CPNE4: variants seen among roughly 807,000 people sequenced by gnomAD.
CPNE4 encodes copine 4.
A neutral mutation model predicts 67.9 loss-of-function variants in CPNE4; 25 were observed. The observed-to-expected ratio is 0.37, with a 90% CI of 0.27 to 0.51. The LOEUF (loss-of-function observed/expected upper bound fraction) is 0.51. CPNE4 is among the 20% of genes least tolerant of loss of function. The pLI, the probability that CPNE4 is intolerant of heterozygous loss-of-function variation, is 0.93. For synonymous variants in CPNE4, 242 were observed against 244.9 expected, an observed-to-expected ratio of 0.99 and a Z score of 0.11; for missense variants, 464 against 690.8, an observed-to-expected ratio of 0.67 and a Z score of 3.68.
intron 2 of CPNE4, among the ~76,000 whole-genome samples, chr3:131,743,974 A>AC: frequency 6.7e-6 from 1 of 148,692 alleles, no homozygotes; most frequent in Admixed American, 6.7e-5. Flanking sequence ...AAAAAAAAAA[A>AC]AAAAAAAAAA....
In CPNE4 at chr3:131,765,440, C is replaced by T. The variant is rs533818121; in HGVS notation, c.181-41815G>A. ...TCAAGAATTGCTTTAGGCCACTCAC[C>T]TTACTGTGCCCACCAGTCAAAAGCT... is the stretch of plus-strand genomic sequence containing the variant. On this transcript the variant is annotated intron_variant, in intron 2 of 15. Coordinates refer to ENST00000429747, the MANE Select transcript of CPNE4 (RefSeq NM_130808.3). Among the ~76,000 whole-genome samples, 19 of 152,214 alleles carry T rather than the reference C, an allele frequency of 1.2e-4. No individual in the cohort carries two copies. In the South Asian group the frequency reaches 3.7e-3, roughly 30 times the overall value.
In CPNE4 at chr3:131,685,965, T is replaced by G. The variant is rs1354853431; in HGVS notation, c.508-7A>C. On this transcript the variant is annotated splice_polypyrimidine_tract_variant and splice_region_variant and intron_variant, in intron 5 of 15. Transcript: ENST00000429747. ...CAGATTTACTGAAGAAATCCTAAAA[T>G]AGATAAACGTCAATGAATTGTTTTT... The G allele has an allele frequency of 6.7e-7, 1 of 1,495,290 alleles. No individual in the cohort carries two copies. Among genetic ancestry groups the G allele is most frequent in the South Asian group, 1.1e-5 (1 of 88,240 alleles). 92.6% of individuals were successfully genotyped at this position (1,495,290 alleles called of 1,614,324 possible). A position where few individuals can be genotyped will look rare whatever the true frequency, so the allele number is the denominator to read the frequency against.
chr3:131,884,552 C>G (rs2087804595), intron 2 of CPNE4, among the ~76,000 whole-genome samples: 1 of 152,102 alleles, frequency 6.6e-6, no homozygotes, highest in South Asian at 2.1e-4. Flanking sequence ...TTTCAGAGAG[C>G]AGGTTCCGCT....
intron 2 of CPNE4, among the ~76,000 whole-genome samples, chr3:131,865,382 T>G (rs377112099): frequency 6.7e-6 from 1 of 149,922 alleles, no homozygotes; most frequent in African/African-American, 2.5e-5. Flanking sequence ...GTAATGCATA[T>G]TAGTCCTTTT....
intron 2 of CPNE4, among the ~76,000 whole-genome samples, chr3:131,852,206 A>G (rs923699030): frequency 6.6e-6 from 1 of 152,038 alleles, no homozygotes; most frequent in Non-Finnish European, 1.5e-5. Context: ...TCAGAAATAG[A>G]TTTCCTACCA....
Position 131,860,364 on chromosome 3 carries a change from CAT to C in CPNE4, c.180+44898_180+44899del, listed in dbSNP as rs529324934. On this transcript the variant is annotated intron_variant, in intron 2 of 15. Transcript: ENST00000429747. ...ACCCAAGCGGAGGAAAGGGACAAGACATGAAAAATCCAAAAACTAATTGAGCT... is the reference window on the plus strand; with the variant it reads ...ACCCAAGCGGAGGAAAGGGACAAGACGAAAAATCCAAAAACTAATTGAGCT... Among the ~76,000 whole-genome samples, 68 of 152,254 alleles carry C rather than the reference CAT, an allele frequency of 4.5e-4. 1 individual carries two copies. The highest frequency in any genetic ancestry group is 1.6e-3 in the African/African-American group (68 of 41,556).
chr3:131,831,890 TA>T (rs2085386261), intron 2 of CPNE4, among the ~76,000 whole-genome samples: 1 of 152,314 alleles, frequency 6.6e-6, no homozygotes, highest in East Asian at 1.9e-4. Flanking sequence ...ATCCATAAAA[TA>T]GAGCAAATAG....
chr3:131,664,823 T>C (rs1027398346), intron 7 of CPNE4, among the ~76,000 whole-genome samples: 17 of 152,128 alleles, frequency 1.1e-4, no homozygotes, highest in African/African-American at 4.1e-4. Context: ...AGAAATAATA[T>C]ATATTGAGTC....
rs1219137220 is a variant in CPNE4, at chr3:131,747,463, CT to C, written c.181-23839del. ...AGTTGATTTTTGTATATGATAAGAA[CT>C]TTTTTTGTTTGTTTTTTGTTTTTTA... On this transcript the variant is annotated intron_variant, in intron 2 of 15. Coordinates refer to ENST00000429747, the MANE Select transcript of CPNE4 (RefSeq NM_130808.3). Among the ~76,000 whole-genome samples the C allele has an allele frequency of 4.1e-4, 62 of 151,618 alleles. 1 individual carries two copies. Among genetic ancestry groups the C allele is most frequent in the Non-Finnish European group, 1.2e-4 (8 of 67,844 alleles).
chr3:131,913,536 T>C (rs1015466404), intron 1 of CPNE4, among the ~76,000 whole-genome samples: 3 of 152,198 alleles, frequency 2.0e-5, no homozygotes, highest in African/African-American at 7.2e-5. Context: ...CAGAAGAGTG[T>C]TAATATATAA....
intron 7 of CPNE4, among the ~76,000 whole-genome samples, chr3:131,594,102 T>C (rs1228244677): frequency 1.3e-5 from 2 of 152,164 alleles, no homozygotes; most frequent in African/African-American, 4.8e-5. Context: ...GCTTTTAATT[T>C]TTTTACTATT....
At chr3:131,654,940 A>C (rs545802898) in intron 7 of CPNE4, among the ~76,000 whole-genome samples, 43 of 152,350 alleles carry the variant, frequency 2.8e-4, no homozygotes, top group African/African-American at 1.0e-3. Context: ...TTAATTTAAG[A>C]AGCAACTATT....
chr3:131,756,467 C>A (rs75223233), intron 2 of CPNE4, among the ~76,000 whole-genome samples: 2,973 of 152,272 alleles, frequency 0.02, 50 homozygotes, highest in Non-Finnish European at 0.03. Context: ...TGAAACCACC[C>A]CAGTCATTCC....
intron 2 of CPNE4, among the ~76,000 whole-genome samples, chr3:131,884,425 T>G (rs2087799165): frequency 6.6e-6 from 1 of 152,032 alleles, no homozygotes; most frequent in Non-Finnish European, 1.5e-5. Flanking sequence ...GAAGTAGGTG[T>G]CTCCCACAGC....
chr3:131,960,495 T>C (rs2072133846), intron 1 of CPNE4, among the ~76,000 whole-genome samples: 1 of 152,218 alleles, frequency 6.6e-6, no homozygotes, highest in African/African-American at 2.4e-5. Flanking sequence ...GCTTGCTCTC[T>C]GACCTGCTTC....
intron 7 of CPNE4, among the ~76,000 whole-genome samples, chr3:131,597,841 G>A (rs1399960948): frequency 6.6e-6 from 1 of 152,118 alleles, no homozygotes; most frequent in Non-Finnish European, 1.5e-5. Context: ...TCCACCACTT[G>A]AAGGACTTCT....
chr3:131,614,790 C>T (rs952129202), intron 7 of CPNE4, among the ~76,000 whole-genome samples: 57 of 152,242 alleles, frequency 3.7e-4, no homozygotes, highest in Non-Finnish European at 6.6e-4. Flanking sequence ...TTGACCCTCA[C>T]TCAGAACTAA....
At chr3:131,882,347 A>T (rs1456074237) in intron 2 of CPNE4, among the ~76,000 whole-genome samples, 1 of 152,216 alleles carries the variant, frequency 6.6e-6, no homozygotes, top group African/African-American at 2.4e-5. Flanking sequence ...AGCTCAACTC[A>T]TGCCAAGCCA....
intron 2 of CPNE4, among the ~76,000 whole-genome samples, chr3:131,809,514 G>A (rs1179957993): frequency 6.7e-6 from 1 of 148,444 alleles, no homozygotes; most frequent in African/African-American, 2.5e-5. Context: ...ACCCCTTCCC[G>A]CTTTATACAC....
Sources: gnomAD v4.1 joint callset for allele counts (sites outside exome capture counted in the v4.1 genomes callset) on GRCh38, gnomAD v4.1.1 for gene constraint, MANE v1.5 for transcripts, NCBI Gene and HGNC (gene_info 2026-07-23, HGNC 2026-07-21) for gene names.